The following PLA2G4F variants were observed in gnomAD, a reference collection of about 807,000 sequenced individuals.
PLA2G4F encodes cytosolic phospholipase A2 zeta.
Under a neutral mutation model 103.1 loss-of-function variants are expected in PLA2G4F, and 105 were observed. The ratio of observed to expected loss-of-function variants is 1.02; its 90% CI spans 0.87 to 1.20. The LOEUF is 1.20. Among genes scored for constraint, PLA2G4F ranks in the 50% most tolerant of loss-of-function variants. PLA2G4F has a pLI of 0.00. For missense variants in PLA2G4F, 1,155 were observed against 1,075.9 expected (o/e 1.07, Z -1.03); for synonymous variants, 468 against 441.1 (o/e 1.06, Z -0.76).
Position 42,144,527 on chromosome 15 carries a change from G to T in PLA2G4F, c.1898C>A (p.Ala633Asp). ...LDIFTSRFTS[A>D]QSFNFTRGLC... ...ACCCCGGGTGAAGTTAAAGCTCTGG[G>T]CGGAAGTGAAGCGGGAGGTGAATAT... Residue 633 changes from alanine (A) to aspartate (D), a missense_variant, in exon 17 of 20, where the codon GCC (alanine) becomes GAC (aspartate). Ala to Asp is a moderately radical substitution (Grantham distance 126). Transcript: ENST00000397272. 6.2e-7 allele frequency: 1 copy of T among 1,612,718 alleles called. No individual in the cohort carries two copies. The highest frequency in any genetic ancestry group is 8.5e-7 in the Non-Finnish European group (1 of 1,180,034).
chr15:42,150,013 G>A, intron 10 of PLA2G4F, 91 bp downstream of exon 10: 1 of 1,581,650 alleles, frequency 6.3e-7, no homozygotes, highest in Non-Finnish European at 8.7e-7. Flanking sequence ...CACGGCCTGA[G>A]CTTCTTGGGC....
chr15:42,154,107 G>C lies in PLA2G4F; in HGVS notation c.435C>G (p.Phe145Leu). 4 of 1,614,204 alleles carry C rather than the reference G, an allele frequency of 2.5e-6. No homozygotes were observed. Among genetic ancestry groups the C allele is most frequent in the Non-Finnish European group, 3.4e-6 (4 of 1,180,028 alleles). Residue 145 changes from phenylalanine to leucine, a missense_variant, in exon 4 of 20, where the codon TTC (phenylalanine) becomes TTG (leucine). By Grantham distance (22) the Phe-to-Leu change is conservative. Transcript: ENST00000397272. Reference sequence around the variant, plus strand: ...GTGGGCTCACCTGGTGGTTGAGTGGGAAGGTGTGTTTGTGAGGTTGGCCAC... The same window carrying C: ...GTGGGCTCACCTGGTGGTTGAGTGGCAAGGTGTGTTTGTGAGGTTGGCCAC... ...LKCGQPHKHTFPLNHQDSQEL... is the reference protein window; with the variant it reads ...LKCGQPHKHTLPLNHQDSQEL...
chr15:42,151,206 C>T, intron 7 of PLA2G4F: 3 of 985,432 alleles, frequency 3.0e-6, no homozygotes, highest in Non-Finnish European at 3.6e-6. Flanking sequence ...AACCAGTAGG[C>T]TGCAAGTTGT....
In PLA2G4F at chr15:42,144,051, G is replaced by T. The variant is rs1351655515; in HGVS notation, c.2069C>A (p.Pro690Gln). 1 of 1,614,112 alleles carries T rather than the reference G, an allele frequency of 6.2e-7. No individual in the cohort carries two copies. Among genetic ancestry groups the T allele is most frequent in the Admixed American group, 1.7e-5 (1 of 60,022 alleles). ...TGCTCTCTGAGGCAGCAGAGCCAGT[G>T]GGAACGGAGAGTTGATGGCAAAGCC... ...DGGFAINSPFPLALLPQRAVD... is the reference protein window; with the variant it reads ...DGGFAINSPFQLALLPQRAVD... The change falls in exon 18 of 20, where the codon CCA (proline) becomes CAA (glutamine). Residue 690 changes from proline (P) to glutamine (Q), a missense_variant. Around this residue, in one of 3 missense-constraint regions of PLA2G4F, gnomAD observed 782 missense variants for 692.9 expected, o/e 1.13. Transcript: ENST00000397272.
chr15:42,144,432 AC>A lies in PLA2G4F; in HGVS notation c.1975+17del, dbSNP rs1349459356. On this transcript the variant is annotated intron_variant, in intron 17 of 19. Coordinates refer to ENST00000397272, the MANE Select transcript of PLA2G4F (RefSeq NM_213600.4). ...CAGGAAGGGAAGCCCCCCATCTCCC[AC>A]CCAAGGCAGCACCCACCTTTCCAGG... 6.2e-7 allele frequency: 1 copy of A among 1,611,150 alleles called. No homozygotes were observed. Among genetic ancestry groups the A allele is most frequent in the Non-Finnish European group, 8.5e-7 (1 of 1,179,348 alleles).
rs573176161 is a variant in PLA2G4F at position 42,145,619 on chromosome 15, C to T, written c.1736G>A (p.Gly579Asp). 4 of 1,614,114 alleles carry T rather than the reference C, an allele frequency of 2.5e-6. No individual in the cohort carries two copies. The highest frequency in any genetic ancestry group is 1.3e-5 in the African/African-American group (1 of 75,024). ...DEIFLKTAGS[G>D]LSFLEWYRGS... is the part of the protein sequence containing the mutation. ...TCTGTACCACTCCAGGAAGCTGAGG[C>T]CCGAGCCGGCGGTCTTTAGGAAGAT... Residue 579 changes from glycine (G) to aspartate (D), a missense_variant, in exon 16 of 20, where the codon GGC becomes GAC. Around this residue, in one of 3 missense-constraint regions of PLA2G4F, gnomAD observed 782 missense variants for 692.9 expected, o/e 1.13. Coordinates refer to ENST00000397272, the MANE Select transcript of PLA2G4F (RefSeq NM_213600.4).
At chr15:42,144,304 G>A (rs2048856813) in intron 17 of PLA2G4F, 146 bp downstream of exon 17, 2 of 1,375,286 alleles carry the variant, frequency 1.5e-6, no homozygotes, top group African/African-American at 1.4e-5. Context: ...CCAGCTTCCA[G>A]CAGTATTTAG....
At position 42,147,772 on chromosome 15, in the gene PLA2G4F, A is replaced by G. The variant is rs2048909978; in HGVS notation, c.1060-10T>C. On this transcript the variant is annotated splice_polypyrimidine_tract_variant and intron_variant, in intron 11 of 19. Coordinates refer to ENST00000397272, the MANE Select transcript of PLA2G4F (RefSeq NM_213600.4). ...CAGCCACTACAGGCACCTGGGTACA[A>G]TAATAACAAGGATAACGACTCCGAC... The G allele has an allele frequency of 1.2e-6, 2 of 1,613,542 alleles. No homozygotes were observed. The highest frequency in any genetic ancestry group is 1.7e-6 in the Non-Finnish European group (2 of 1,179,672).
intron 2 of PLA2G4F, among the ~76,000 whole-genome samples, chr15:42,154,774 G>A (rs943122347): frequency 6.6e-6 from 1 of 152,156 alleles, no homozygotes; most frequent in Non-Finnish European, 1.5e-5. Context: ...GGCATGGAAA[G>A]CTCCCTGAGA....
At chr15:42,146,342 G>A (rs961618626) in intron 13 of PLA2G4F, 101 bp from the exon 14 acceptor site, 6 of 1,152,320 alleles carry the variant, frequency 5.2e-6, no homozygotes, top group Non-Finnish European at 7.6e-6. Flanking sequence ...GTGCCCACAA[G>A]AGAGGCTTTG....
At chr15:42,149,944 G>T in intron 10 of PLA2G4F, 96 bp from the exon 11 acceptor site, 2 of 1,535,718 alleles carry the variant, frequency 1.3e-6, no homozygotes, top group Non-Finnish European at 1.8e-6. Context: ...ACAGGAGCAG[G>T]TCCAAGGGAT....
intron 7 of PLA2G4F, chr15:42,151,480 A>G: frequency 1.0e-6 from 1 of 985,310 alleles, no homozygotes; most frequent in Non-Finnish European, 1.2e-6. Flanking sequence ...ACATCCGGGC[A>G]GAGGGGGCCG....
At chr15:42,152,889 G>T in intron 6 of PLA2G4F, 135 bp from the exon 7 acceptor site, 1 of 832,644 alleles carries the variant, frequency 1.2e-6, no homozygotes, top group Middle Eastern at 3.4e-4. Flanking sequence ...AGGAGTTCCT[G>T]GGGCAGGGTC....
At chr15:42,142,340 C>G in intron 19 of PLA2G4F, 136 bp from the exon 20 acceptor site, 2 of 1,152,836 alleles carry the variant, frequency 1.7e-6, no homozygotes, top group South Asian at 1.6e-5. Context: ...TCTCAGCTCT[C>G]AGACCCCCCA....
In PLA2G4F at chr15:42,147,314, C is replaced by G. The variant is rs751862750; in HGVS notation, c.1229G>C (p.Trp410Ser). Residue 410 changes from tryptophan to serine, a missense_variant, in exon 13 of 20, where the codon TGG (tryptophan) becomes TCG (serine). Trp to Ser is a radical substitution (Grantham distance 177). This residue lies in a region of PLA2G4F where 782 missense variants were observed against 692.9 expected (regional missense o/e 1.13). Transcript: ENST00000397272. ...GGGGCCCTGCAAGGCCACCTGGGAC[C>G]AGGCTGGGTCCCTGTAGAGTGTGGA... is the stretch of plus-strand genomic sequence containing the variant. ...CISTLYRDPAWSQVALQGPIE... is the reference protein window; with the variant it reads ...CISTLYRDPASSQVALQGPIE... 2 of 1,609,234 alleles carry G rather than the reference C, an allele frequency of 1.2e-6. No homozygotes were observed. Among genetic ancestry groups the G allele is most frequent in the Admixed American group, 1.7e-5 (1 of 59,982 alleles).
rs780430380 is a variant in PLA2G4F at position 42,142,570 on chromosome 15, A to G, written c.2287T>C (p.Phe763Leu). The G allele has an allele frequency of 6.2e-7, 1 of 1,613,718 alleles. No individual in the cohort carries two copies. The highest frequency in any genetic ancestry group is 1.1e-5 in the South Asian group (1 of 91,044). Residue 763 changes from phenylalanine to leucine, a missense_variant, in exon 19 of 20, where the codon TTC becomes CTC. Phe to Leu is a conservative substitution (Grantham distance 22). Transcript: ENST00000397272. ...CGGAAGGTACGGTTAACCAGGGGGAAGTGCAGCACAATGGGGGAGCGGGGG... is the reference window on the plus strand; with the variant it reads ...CGGAAGGTACGGTTAACCAGGGGGAGGTGCAGCACAATGGGGGAGCGGGGG... ...EDPRSPIVLH[F>L]PLVNRTFRTH...
At chr15:42,150,816 G>T (rs187382713) in intron 7 of PLA2G4F, 39 bp from the exon 8 acceptor site, 7 of 1,586,190 alleles carry the variant, frequency 4.4e-6, no homozygotes, top group South Asian at 1.1e-5. Context: ...CAGGTGAGGG[G>T]GTGGGTCTGT....
chr15:42,152,585 T>G (rs2048971644), intron 7 of PLA2G4F, 103 bp downstream of exon 7: 2 of 1,219,140 alleles, frequency 1.6e-6, no homozygotes, highest in South Asian at 2.6e-5. Context: ...CTTTGAGCAA[T>G]GAAAACTTTA....
Position 42,142,608 on chromosome 15 carries a change from G to T in PLA2G4F, c.2249C>A (p.Ala750Asp). 6.2e-7 allele frequency: 1 copy of T among 1,614,074 alleles called. No homozygotes were observed. The highest frequency in any genetic ancestry group is 1.1e-5 in the South Asian group (1 of 91,064). The change falls in exon 19 of 20, where the codon GCC (alanine) becomes GAC (aspartate). Residue 750 changes from alanine to aspartate, a missense_variant. By Grantham distance (126) the Ala-to-Asp change is moderately radical. This residue lies in a region of PLA2G4F where 782 missense variants were observed against 692.9 expected (regional missense o/e 1.13). Coordinates refer to ENST00000397272, the MANE Select transcript of PLA2G4F (RefSeq NM_213600.4). Reference sequence around the variant, plus strand: ...GGGGGAGCGGGGGTCCTCAGCCTTGGCAAACAGATAGCACTCACGGGCCTC... The same window carrying T: ...GGGGGAGCGGGGGTCCTCAGCCTTGTCAAACAGATAGCACTCACGGGCCTC... The part of the protein sequence containing the change: ...MEEARECYLF[A>D]KAEDPRSPIV...
Sources: allele counts gnomAD v4.1 joint callset (sites outside exome capture counted in the v4.1 genomes callset), GRCh38; gene constraint gnomAD v4.1.1; regional missense constraint gnomAD v4.1.1; transcripts MANE v1.5; gene names NCBI Gene and HGNC (gene_info 2026-07-23, HGNC 2026-07-21).